Variants in ERCC6 observed in about 807,000 individuals in gnomAD.
The protein encoded by ERCC6 is ERCC excision repair 6, chromatin remodeling factor, also known as DNA excision repair protein ERCC-6.
A neutral mutation model predicts 158.7 loss-of-function variants in ERCC6; 116 were observed. That is an observed-to-expected ratio of 0.73 (90% CI 0.63 to 0.85). The LOEUF is 0.85. Among genes scored for constraint, ERCC6 ranks in the 40% least tolerant of loss-of-function variants. The pLI is 0.00. For synonymous variants in ERCC6, 678 were observed against 659.3 expected (o/e 1.03, Z -0.43); for missense variants, 1,698 against 1,799.4 (o/e 0.94, Z 1.02).
intron 8 of ERCC6, among the ~76,000 whole-genome samples, chr10:49,490,569 G>T (rs1220209244): frequency 6.6e-6 from 1 of 152,006 alleles, no homozygotes; most frequent in African/African-American, 2.4e-5. Flanking sequence ...TGGCCAGGCT[G>T]GTCTCAAACC....
intron 8 of ERCC6, among the ~76,000 whole-genome samples, chr10:49,484,884 A>C (rs1590419850): frequency 6.6e-6 from 1 of 152,250 alleles, no homozygotes; most frequent in South Asian, 2.1e-4. Flanking sequence ...GTCCGAAGGC[A>C]AAGAGGAAAA....
intron 7 of ERCC6, 138 bp downstream of exon 7, chr10:49,500,400 T>C: frequency 9.7e-7 from 1 of 1,032,898 alleles, no homozygotes; most frequent in Non-Finnish European, 1.5e-6. Context: ...TTTCCTTTGA[T>C]GTCCCCCACT....
chr10:49,472,696 A>G, intron 15 of ERCC6: 2 of 735,874 alleles, frequency 2.7e-6, no homozygotes, highest in Non-Finnish European at 4.5e-6. Flanking sequence ...TTTTACCCCA[A>G]CTCTAGGAAT....
At chr10:49,526,105 A>ATT (rs1564443770) in intron 4 of ERCC6, among the ~76,000 whole-genome samples, 3 of 100,370 alleles carry the variant, frequency 3.0e-5, no homozygotes, top group African/African-American at 8.5e-5. Context: ...ATATTTATAT[A>ATT]TTTATATATT....
At position 49,458,362 on chromosome 10, in the gene ERCC6, G is replaced by A. The variant is rs995824219; in HGVS notation, c.*453C>T. ...CAAATGGTAAATATAAATGTTTAAAGTTTAAGCATCAAAATAATGCTGTTA... is the reference window on the plus strand; with the variant it reads ...CAAATGGTAAATATAAATGTTTAAAATTTAAGCATCAAAATAATGCTGTTA... On this transcript the variant is annotated 3_prime_UTR_variant, in exon 21 of 21. Transcript: ENST00000355832. 1 of 160,338 alleles carries A rather than the reference G, an allele frequency of 6.2e-6. No individual in the cohort carries two copies. The highest frequency in any genetic ancestry group is 1.4e-5 in the Non-Finnish European group (1 of 72,526). 9.9% of individuals were successfully genotyped at this position (160,338 alleles called of 1,614,324 possible).
intron 3 of ERCC6, among the ~76,000 whole-genome samples, chr10:49,530,300 G>A (rs1035453978): frequency 6.6e-6 from 1 of 152,150 alleles, no homozygotes; most frequent in Non-Finnish European, 1.5e-5. Flanking sequence ...ACTTTGTGAT[G>A]GGTTTATCAG....
chr10:49,441,887 A>C, the ERCC6 span, among the ~76,000 whole-genome samples: 68 of 152,364 alleles, frequency 4.5e-4, no homozygotes, highest in African/African-American at 1.5e-3. Flanking sequence ...GACAGGAACA[A>C]AAGCAGGCGG....
At chr10:49,500,748 T>C in intron 6 of ERCC6, 52 bp from the exon 7 acceptor site, 1 of 1,590,812 alleles carries the variant, frequency 6.3e-7, no homozygotes, top group Non-Finnish European at 8.6e-7. Flanking sequence ...TGGTGGATAA[T>C]ACAGATCATA....
intron 5 of ERCC6, among the ~76,000 whole-genome samples, chr10:49,506,722 C>A (rs1439160098): frequency 1.3e-5 from 2 of 151,890 alleles, no homozygotes; most frequent in African/African-American, 2.4e-5. Context: ...CTTAGCAATA[C>A]ACCAAGGTTG....
intron 7 of ERCC6, among the ~76,000 whole-genome samples, chr10:49,496,600 G>A (rs900757311): frequency 6.6e-6 from 1 of 152,124 alleles, no homozygotes; most frequent in African/African-American, 2.4e-5. Context: ...CTGAAGTCAG[G>A]AGTTTGAGAC....
chr10:49,447,679 G>C, the ERCC6 span, among the ~76,000 whole-genome samples: 1 of 150,340 alleles, frequency 6.7e-6, no homozygotes, highest in African/African-American at 2.5e-5. Flanking sequence ...ACTCCAGCCT[G>C]GGCAGCAGAG....
chr10:49,472,764 C>T, intron 15 of ERCC6, 145 bp downstream of exon 15: 1 of 998,510 alleles, frequency 1.0e-6, no homozygotes, highest in Non-Finnish European at 1.5e-6. Flanking sequence ...TGAAGGGTGT[C>T]TTCTTTCACG....
chr10:49,464,166 G>A (rs1452604880), intron 18 of ERCC6, among the ~76,000 whole-genome samples: 1 of 152,212 alleles, frequency 6.6e-6, no homozygotes, highest in Non-Finnish European at 1.5e-5. Context: ...GGTCCAAACT[G>A]AGGTGGTCTC....
chr10:49,517,327 T>C (rs116683200), intron 5 of ERCC6, among the ~76,000 whole-genome samples: 1 of 152,356 alleles, frequency 6.6e-6, no homozygotes, highest in African/African-American at 2.4e-5. Context: ...AAGTTATATG[T>C]ACCTGTCTTT....
At chr10:49,511,751 G>T (rs1175055381) in intron 5 of ERCC6, among the ~76,000 whole-genome samples, 1 of 152,102 alleles carries the variant, frequency 6.6e-6, no homozygotes, top group Non-Finnish European at 1.5e-5. Context: ...AACTCCTAAA[G>T]CCCGTCTCAG....
At chr10:49,518,618 G>A (rs548959489) in intron 5 of ERCC6, among the ~76,000 whole-genome samples, 14 of 152,204 alleles carry the variant, frequency 9.2e-5, no homozygotes, top group South Asian at 2.1e-4. Context: ...AGGCTGCAAC[G>A]TTCCAAATCC....
chr10:49,527,479 A>G (rs1837367267), intron 4 of ERCC6, among the ~76,000 whole-genome samples: 1 of 152,204 alleles, frequency 6.6e-6, no homozygotes, highest in Admixed American at 6.5e-5. Flanking sequence ...GTTCGAGACC[A>G]GCTTGGCTAA....
At position 49,476,119 on chromosome 10, in the gene ERCC6, G is replaced by A. The variant is rs1850872325; in HGVS notation, c.2382+96C>T. 15 of 871,414 alleles carry A rather than the reference G, an allele frequency of 1.7e-5. No individual in the cohort carries two copies. The Admixed American group carries it at 1.9e-4, about 11-fold the overall frequency. The allele number at this position is 871,414 out of a possible 1,614,324, so 54.0% of individuals were successfully genotyped here. A position where few individuals can be genotyped will look rare whatever the true frequency, so the allele number is the denominator to read the frequency against. ...TGCAAGTGAAGTGAGATGACAGTACGTGAAAAGCCTGGCACAATGTAGATC... is the reference window on the plus strand; with the variant it reads ...TGCAAGTGAAGTGAGATGACAGTACATGAAAAGCCTGGCACAATGTAGATC... On this transcript the variant is annotated intron_variant, in intron 12 of 20. Coordinates refer to ENST00000355832, the MANE Select transcript of ERCC6 (RefSeq NM_000124.4).
At chr10:49,506,772 T>A (rs1453599897) in intron 5 of ERCC6, among the ~76,000 whole-genome samples, 1 of 152,034 alleles carries the variant, frequency 6.6e-6, no homozygotes, top group African/African-American at 2.4e-5. Context: ...AATTTTGCAT[T>A]TACATAACTA....
Sources: allele counts gnomAD v4.1 joint callset (sites outside exome capture counted in the v4.1 genomes callset), GRCh38; gene constraint gnomAD v4.1.1; transcripts MANE v1.5; gene names NCBI Gene and HGNC (gene_info 2026-07-23, HGNC 2026-07-21).